The following TMEM108 variants were observed in gnomAD, a reference collection of about 807,000 sequenced individuals.
TMEM108 encodes transmembrane protein 108.
In TMEM108, 12 loss-of-function variants were observed where a neutral mutation model predicts 35.1. The observed-to-expected ratio is 0.34, with a 90% CI of 0.22 to 0.55. TMEM108 has a LOEUF of 0.55. Ranked by LOEUF, TMEM108 falls within the 20% of genes least tolerant of loss-of-function variation. TMEM108 has a pLI of 0.89. For synonymous variants in TMEM108, 287 were observed against 308.6 expected, an observed-to-expected ratio of 0.93 and a Z score of 0.73; for missense variants, 680 against 753.3, an observed-to-expected ratio of 0.90 and a Z score of 1.14.
Position 133,346,315 on chromosome 3 carries a change from GT to G in TMEM108, c.41-33433del, listed in dbSNP as rs1457084570. 1.3e-5 allele frequency among the ~76,000 whole-genome samples: 2 copies of G among 151,878 alleles called. No individual in the cohort carries two copies. The highest frequency in any genetic ancestry group is 2.4e-5 in the African/African-American group (1 of 41,500). On this transcript the variant is annotated intron_variant, in intron 3 of 5. Transcript: ENST00000321871. The surrounding 1 kb of genome is among the most constrained non-coding windows in gnomAD (Gnocchi z 4.0). Reference sequence around the variant, plus strand: ...ACCAGCATTTGGTATTATCAGTTTTGTTTTGTTTTTGTTTTTGTTTTTGTTT... The same window carrying G: ...ACCAGCATTTGGTATTATCAGTTTTGTTTGTTTTTGTTTTTGTTTTTGTTT...
intron 2 of TMEM108, among the ~76,000 whole-genome samples, chr3:133,054,744 T>TCCTGG (rs1943446130): frequency 6.6e-6 from 1 of 152,208 alleles, no homozygotes; most frequent in South Asian, 2.1e-4. Flanking sequence ...AGAATGATGG[T>TCCTGG]CCTGGCTCTA....
At chr3:133,242,308 A>G (rs1946325121) in intron 3 of TMEM108, among the ~76,000 whole-genome samples, 1 of 152,334 alleles carries the variant, frequency 6.6e-6, no homozygotes, top group Non-Finnish European at 1.5e-5. Flanking sequence ...TTAATATATG[A>G]CACACTTAGC....
intron 2 of TMEM108, among the ~76,000 whole-genome samples, chr3:133,186,525 G>A (rs965443918): frequency 7.9e-5 from 12 of 152,132 alleles, no homozygotes; most frequent in Non-Finnish European, 1.5e-4. Flanking sequence ...AAAGGCTTAG[G>A]AATCAAAACC....
At chr3:133,170,016 A>T (rs1431774560) in intron 2 of TMEM108, among the ~76,000 whole-genome samples, 5 of 152,212 alleles carry the variant, frequency 3.3e-5, no homozygotes, top group Non-Finnish European at 4.4e-5. Flanking sequence ...CTCTGATGTT[A>T]ACAGAGAGAT....
At chr3:133,183,949 T>C (rs1945384353) in intron 2 of TMEM108, among the ~76,000 whole-genome samples, 1 of 152,112 alleles carries the variant, frequency 6.6e-6, no homozygotes, top group African/African-American at 2.4e-5. Context: ...AGGGCCAGCC[T>C]GGTATTTTAC....
At chr3:133,334,618 C>T (rs2071457226) in intron 3 of TMEM108, among the ~76,000 whole-genome samples, 1 of 151,980 alleles carries the variant, frequency 6.6e-6, no homozygotes, top group Non-Finnish European at 1.5e-5. Context: ...CTCCTTGGGG[C>T]AGGTCTGAAG....
chr3:133,121,710 G>A (rs962400952), intron 2 of TMEM108, among the ~76,000 whole-genome samples: 3 of 152,150 alleles, frequency 2.0e-5, no homozygotes, highest in African/African-American at 7.2e-5. Flanking sequence ...GAGATTTCCT[G>A]GAGTTAGGAG....
At chr3:133,179,809 A>AAAAAT (rs553162936) in intron 2 of TMEM108, among the ~76,000 whole-genome samples, 1 of 151,708 alleles carries the variant, frequency 6.6e-6, no homozygotes, top group African/African-American at 2.4e-5. Flanking sequence ...AGTATAATAA[A>AAAAAT]AAAATAAAAT....
chr3:133,139,243 A>G (rs994194867), intron 2 of TMEM108, among the ~76,000 whole-genome samples: 8 of 152,230 alleles, frequency 5.3e-5, no homozygotes, highest in Non-Finnish European at 1.0e-4. Flanking sequence ...GTGTCTTTAT[A>G]GTAGAATGAT....
intron 2 of TMEM108, among the ~76,000 whole-genome samples, chr3:133,218,555 C>T (rs1304417171): frequency 6.6e-6 from 1 of 151,834 alleles, no homozygotes; most frequent in Non-Finnish European, 1.5e-5. Context: ...GCCTTTGTTG[C>T]ATTGAGTTAC....
intron 2 of TMEM108, among the ~76,000 whole-genome samples, chr3:133,092,433 G>T (rs1943959847): frequency 6.6e-6 from 1 of 152,042 alleles, no homozygotes; most frequent in African/African-American, 2.4e-5. Context: ...TTTTTAGTTG[G>T]ACAGTTTTAA....
chr3:133,127,237 T>A (rs767773433), intron 2 of TMEM108, among the ~76,000 whole-genome samples: 2 of 152,208 alleles, frequency 1.3e-5, no homozygotes, highest in African/African-American at 2.4e-5. Flanking sequence ...TTTCTAAATT[T>A]AAATTTAACT....
At chr3:133,165,475 A>G (rs993800882) in intron 2 of TMEM108, among the ~76,000 whole-genome samples, 4 of 152,122 alleles carry the variant, frequency 2.6e-5, no homozygotes, top group Non-Finnish European at 4.4e-5. Flanking sequence ...AAAACTCCTC[A>G]TGACATATTG....
intron 2 of TMEM108, among the ~76,000 whole-genome samples, chr3:133,078,264 C>T (rs1254745976): frequency 6.6e-6 from 1 of 151,934 alleles, no homozygotes; most frequent in Non-Finnish European, 1.5e-5. Context: ...GGGCATATAC[C>T]TCCCTATTCT....
rs149360490 is a variant in TMEM108, at chr3:133,053,055, C to T, written c.-47+7035C>T. 8.0e-3 allele frequency among the ~76,000 whole-genome samples: 1,223 copies of T among 152,124 alleles called. 21 individuals are homozygous for T. Among genetic ancestry groups the T allele is most frequent in the African/African-American group, 0.027 (1,127 of 41,512 alleles). On this transcript the variant is annotated intron_variant, in intron 2 of 5. Transcript: ENST00000321871. ...TTTCTAATATCACCTAATCTTTCCCCGGTGCTGGCAGTGCTGTTGGTAGCC... is the reference window on the plus strand; with the variant it reads ...TTTCTAATATCACCTAATCTTTCCCTGGTGCTGGCAGTGCTGTTGGTAGCC...
At chr3:133,096,548 G>T (rs1559831114) in intron 2 of TMEM108, among the ~76,000 whole-genome samples, 1 of 152,160 alleles carries the variant, frequency 6.6e-6, no homozygotes, top group South Asian at 2.1e-4. Context: ...TGTCTCTTCA[G>T]ATTATATGCT....
chr3:133,103,670 T>C (rs957522196), intron 2 of TMEM108, among the ~76,000 whole-genome samples: 3 of 152,174 alleles, frequency 2.0e-5, no homozygotes, highest in African/African-American at 7.2e-5. Context: ...TAAACACCCC[T>C]CCATGTTTCT....
chr3:133,246,548 A>C (rs1576408960), intron 3 of TMEM108: 1 of 152,208 alleles, frequency 6.6e-6, no homozygotes, highest in Non-Finnish European at 1.5e-5. Flanking sequence ...TGCAGTGCAC[A>C]GGTGCAGACA....
intron 2 of TMEM108, among the ~76,000 whole-genome samples, chr3:133,060,797 A>G (rs1177169364): frequency 6.6e-6 from 1 of 152,244 alleles, no homozygotes; most frequent in Non-Finnish European, 1.5e-5. Context: ...CTGCATAGCC[A>G]TGAAACGATA....
Sources: gnomAD v4.1 joint callset for allele counts (sites outside exome capture counted in the v4.1 genomes callset) on GRCh38, gnomAD v4.1.1 for gene constraint, Gnocchi (gnomAD v3.1) non-coding constraint, MANE v1.5 for transcripts, NCBI Gene and HGNC (gene_info 2026-07-23, HGNC 2026-07-21) for gene names.